Variants in CSMD1 observed in about 807,000 individuals in gnomAD.
CSMD1 encodes CUB and Sushi multiple domains 1, also known as CUB and sushi domain-containing protein 1.
Under a neutral mutation model 417.5 loss-of-function variants are expected in CSMD1, and 213 were observed. That is an observed-to-expected ratio of 0.51 (90% CI 0.46 to 0.57). The LOEUF is 0.57. Among genes scored for constraint, CSMD1 ranks in the 20% least tolerant of loss-of-function variants. The pLI, the probability that CSMD1 is intolerant of heterozygous loss-of-function variation, is 0.00. For missense variants in CSMD1, 6,923 were observed against 4,529.7 expected (o/e 1.53, Z -15.17); for synonymous variants, 2,862 against 1,736.8 (o/e 1.65, Z -16.11).
chr8:3,076,349 T>A (rs1813687873), intron 49 of CSMD1, among the ~76,000 whole-genome samples: 1 of 152,240 alleles, frequency 6.6e-6, no homozygotes, highest in Non-Finnish European at 1.5e-5. Context: ...CACATTGGAT[T>A]AGGGTTCACC....
At chr8:4,255,570 T>G (rs1440061469) in intron 3 of CSMD1, among the ~76,000 whole-genome samples, 1 of 152,226 alleles carries the variant, frequency 6.6e-6, no homozygotes, top group Non-Finnish European at 1.5e-5. Flanking sequence ...ATAGAATTTT[T>G]TCTAAGACAC....
At chr8:4,732,082 A>G (rs1809914497) in intron 1 of CSMD1, among the ~76,000 whole-genome samples, 1 of 152,042 alleles carries the variant, frequency 6.6e-6, no homozygotes, top group Admixed American at 6.6e-5. Context: ...AATCTTTCCA[A>G]CAGTCCCGCA....
At chr8:4,595,223 A>G (rs6990157) in intron 2 of CSMD1, among the ~76,000 whole-genome samples, 86,715 of 151,316 alleles carry the variant, frequency 0.57, 25,148 homozygotes, top group Non-Finnish European at 0.61. Context: ...ACAGAACTCA[A>G]ATTGGCTTGA....
chr8:4,495,698 G>T (rs1801946939), intron 2 of CSMD1, among the ~76,000 whole-genome samples: 1 of 152,184 alleles, frequency 6.6e-6, no homozygotes, highest in Non-Finnish European at 1.5e-5. Flanking sequence ...TCTGGCCCAA[G>T]AAAGGTTAGC....
In CSMD1 at chr8:3,367,173, A is replaced by C; in HGVS notation, c.2974T>G (p.Phe992Val). Residue 992 changes from phenylalanine to valine, a missense_variant, in exon 20 of 70, where the codon TTT becomes GTT. By Grantham distance (50) the Phe-to-Val change is conservative. Transcript: ENST00000635120. ...GTGAGCCTGGCAACGGGCTCGGAAA[A>C]ACTTCCATCCTCTGTGATCAGTAAA... ...DYLLITEDGS[F>V]SEPVARLTGS... 6.2e-7 allele frequency: 1 copy of C among 1,613,706 alleles called. No individual in the cohort carries two copies. Among genetic ancestry groups the C allele is most frequent in the Non-Finnish European group, 8.5e-7 (1 of 1,179,796 alleles).
intron 1 of CSMD1, among the ~76,000 whole-genome samples, chr8:4,956,087 G>C (rs1053860315): frequency 6.6e-6 from 1 of 152,134 alleles, no homozygotes; most frequent in Non-Finnish European, 1.5e-5. Context: ...TTAGGGGAGA[G>C]TTATTTGGTT....
At chr8:3,720,406 A>G (rs2129044228) in intron 6 of CSMD1, among the ~76,000 whole-genome samples, 1 of 152,334 alleles carries the variant, frequency 6.6e-6, no homozygotes, top group African/African-American at 2.4e-5. Context: ...CTGTCCAGGC[A>G]CAACAACCTC....
At chr8:4,452,913 G>A (rs988364936) in intron 2 of CSMD1, among the ~76,000 whole-genome samples, 2 of 152,204 alleles carry the variant, frequency 1.3e-5, no homozygotes, top group Admixed American at 6.5e-5. Context: ...GATGGGCACA[G>A]TGGTAACAGC....
intron 31 of CSMD1, 113 bp downstream of exon 31, chr8:3,205,391 G>A: frequency 3.3e-6 from 2 of 602,462 alleles, no homozygotes; most frequent in Non-Finnish European, 5.8e-6. Flanking sequence ...CAACTCATTT[G>A]CTTTTATATG....
intron 2 of CSMD1, among the ~76,000 whole-genome samples, chr8:4,623,515 A>G (rs2130821080): frequency 6.6e-6 from 1 of 152,180 alleles, no homozygotes; most frequent in South Asian, 2.1e-4. Context: ...TTCCCCACAA[A>G]GACTTTTATG....
intron 10 of CSMD1, among the ~76,000 whole-genome samples, chr8:3,495,191 A>G (rs964666109): frequency 6.6e-6 from 1 of 152,218 alleles, no homozygotes; most frequent in African/African-American, 2.4e-5. Flanking sequence ...GTAGCACCTG[A>G]TATTTTTATT....
chr8:3,994,868 T>A (rs1351683885), intron 5 of CSMD1, among the ~76,000 whole-genome samples: 1 of 152,204 alleles, frequency 6.6e-6, no homozygotes, highest in East Asian at 1.9e-4. Context: ...TAGCTTCTTC[T>A]GAGAGTGCCC....
At chr8:4,216,073 G>T (rs1363435967) in intron 3 of CSMD1, among the ~76,000 whole-genome samples, 1 of 152,158 alleles carries the variant, frequency 6.6e-6, no homozygotes, top group Non-Finnish European at 1.5e-5. Context: ...AGAAAGGGAG[G>T]TCACTATGCT....
chr8:3,683,219 T>C (rs1242643166), intron 7 of CSMD1, among the ~76,000 whole-genome samples: 3 of 150,954 alleles, frequency 2.0e-5, no homozygotes, highest in Non-Finnish European at 4.4e-5. Context: ...TATATAAAAT[T>C]AAAAAATAAA....
At chr8:3,404,724 G>C (rs1029052554) in intron 15 of CSMD1, among the ~76,000 whole-genome samples, 2 of 152,110 alleles carry the variant, frequency 1.3e-5, no homozygotes, top group East Asian at 1.9e-4. Context: ...CCTTTTTTTA[G>C]TGTTTTACAA....
intron 27 of CSMD1, among the ~76,000 whole-genome samples, chr8:3,224,092 C>A (rs1324672107): frequency 6.6e-6 from 1 of 152,038 alleles, no homozygotes; most frequent in Non-Finnish European, 1.5e-5. Context: ...AATATTCCAC[C>A]CCATTTTCAA....
intron 3 of CSMD1, among the ~76,000 whole-genome samples, chr8:4,415,549 C>A (rs1242367202): frequency 6.6e-6 from 1 of 152,210 alleles, no homozygotes; most frequent in Non-Finnish European, 1.5e-5. Flanking sequence ...GCCGGAATGA[C>A]TATTGAGTCA....
intron 7 of CSMD1, among the ~76,000 whole-genome samples, chr8:3,651,578 G>T (rs1193985868): frequency 6.6e-6 from 1 of 152,000 alleles, no homozygotes; most frequent in Admixed American, 6.6e-5. Flanking sequence ...ACCACATCTA[G>T]AACACTAGAA....
intron 3 of CSMD1, among the ~76,000 whole-genome samples, chr8:4,079,598 G>C (rs1265064367): frequency 2.6e-5 from 4 of 152,198 alleles, no homozygotes; most frequent in Admixed American, 2.6e-4. Context: ...ATTAGGGAAA[G>C]CATTAAAGAT....
Sources: allele counts gnomAD v4.1 joint callset (sites outside exome capture counted in the v4.1 genomes callset), GRCh38; gene constraint gnomAD v4.1.1; transcripts MANE v1.5; gene names NCBI Gene and HGNC (gene_info 2026-07-23, HGNC 2026-07-21).